SARDH: variants seen among roughly 807,000 people sequenced by gnomAD.
SARDH encodes sarcosine dehydrogenase.
SARDH carries 95 observed loss-of-function variants against 109.1 expected under a neutral mutation model. The ratio of observed to expected loss-of-function variants is 0.87; its 90% CI spans 0.74 to 1.03. The LOEUF is 1.03. SARDH is among the 50% of genes least tolerant of loss of function. The pLI is 0.00. For synonymous variants in SARDH, 572 were observed against 534.8 expected (o/e 1.07, Z -0.96); for missense variants, 1,267 against 1,287.8 (o/e 0.98, Z 0.25).
chr9:133,726,353 G>A (rs1270527316), intron 6 of SARDH, among the ~76,000 whole-genome samples: 1 of 17,212 alleles, frequency 5.8e-5, no homozygotes. Flanking sequence ...GGGAAACAGA[G>A]TGAGACCCTG....
intron 17 of SARDH, among the ~76,000 whole-genome samples, chr9:133,678,850 G>A (rs548833376): frequency 6.6e-6 from 1 of 152,334 alleles, no homozygotes; most frequent in East Asian, 1.9e-4. Flanking sequence ...CTTTTCTCTT[G>A]TGAACCAGTC....
chr9:133,680,465 G>A (rs1174384332), intron 17 of SARDH, among the ~76,000 whole-genome samples: 4 of 152,228 alleles, frequency 2.6e-5, no homozygotes, highest in Non-Finnish European at 4.4e-5. Flanking sequence ...CCCAGGCTGG[G>A]GCCACCTGGG....
At chr9:133,670,183 G>T (rs1294620955) in intron 19 of SARDH, among the ~76,000 whole-genome samples, 1 of 152,150 alleles carries the variant, frequency 6.6e-6, no homozygotes, top group Non-Finnish European at 1.5e-5. Flanking sequence ...ACAAAAATTA[G>T]CTGGGTGTGG....
intron 15 of SARDH, among the ~76,000 whole-genome samples, chr9:133,694,004 C>T (rs992960991): frequency 6.6e-6 from 1 of 152,238 alleles, no homozygotes. Flanking sequence ...GCAGCCACTC[C>T]GAACCGCAAC....
chr9:133,729,861 C>T lies in SARDH; in HGVS notation c.819G>A (p.Val273=). 1.2e-6 allele frequency: 2 copies of T among 1,611,668 alleles called. No individual in the cohort carries two copies. The highest frequency in any genetic ancestry group is 1.7e-6 in the Non-Finnish European group (2 of 1,179,982). ...QTPCVVNCAG[V]WASAVGRMAG... is the part of the protein sequence containing the mutation. The stretch of plus-strand genomic sequence containing the variant: ...CCATCCGGCCCACAGCACTTGCCCA[C>T]ACTCCTGCGGGCAGAGCACAGACAG... Residue 273 remains valine, a synonymous_variant, in exon 6 of 21, where the codon GTG becomes GTA. Coordinates refer to ENST00000439388, the MANE Select transcript of SARDH (RefSeq NM_001134707.2).
rs1005828430 is a variant in SARDH at position 133,692,815 on chromosome 9, G to A, written c.1921+1443C>T. 2.0e-5 allele frequency among the ~76,000 whole-genome samples: 3 copies of A among 152,140 alleles called. No homozygotes were observed. Among genetic ancestry groups the A allele is most frequent in the South Asian group, 2.1e-4 (1 of 4,830 alleles). ...GCTCATGGATCCATGAGGCACGAGCGCTGTGGCTCAGCCCATGGCTCCCTC... is the reference window on the plus strand; with the variant it reads ...GCTCATGGATCCATGAGGCACGAGCACTGTGGCTCAGCCCATGGCTCCCTC... On this transcript the variant is annotated intron_variant, in intron 15 of 20. Transcript: ENST00000439388. This position sits in a 1 kb window ranked among gnomAD's most constrained non-coding sequence, Gnocchi z 5.0.
At chr9:133,663,226 G>A (rs129928), downstream of SARDH, among the ~76,000 whole-genome samples, 37,115 of 152,204 alleles carry the variant, frequency 0.24, 5,256 homozygotes, top group East Asian at 0.39. Flanking sequence ...GGTGAGGAGG[G>A]CACCAATCTG....
rs1017031633 is a variant in SARDH at position 133,703,247 on chromosome 9, G to A, written c.1555-218C>T. 6 of 563,836 alleles carry A rather than the reference G, an allele frequency of 1.1e-5. No individual in the cohort carries two copies. In the African/African-American group the frequency reaches 1.1e-4, roughly 11 times the overall value. The allele number at this position is 563,836 out of a possible 1,614,324, so 34.9% of individuals were successfully genotyped here. On this transcript the variant is annotated intron_variant, in intron 12 of 20. Coordinates refer to ENST00000439388, the MANE Select transcript of SARDH (RefSeq NM_001134707.2). Reference sequence around the variant, plus strand: ...AGGAGGCCGCAGGGTTGCCTGGTGGGTCTGAGAGCCCAGCCAGGGCCCAGG... The same window carrying A: ...AGGAGGCCGCAGGGTTGCCTGGTGGATCTGAGAGCCCAGCCAGGGCCCAGG...
rs769022349 is a variant in SARDH, at chr9:133,734,187, C to T, written c.-14G>A. 2 of 1,550,904 alleles carry T rather than the reference C, an allele frequency of 1.3e-6. No homozygotes were observed. The highest frequency in any genetic ancestry group is 2.4e-5 in the South Asian group (2 of 84,300). ...CAGTGAGGCCATGGGGGCTCCAGGCCTCAGCGAAACAGGGAGCTGGGGAGA... is the reference window on the plus strand; with the variant it reads ...CAGTGAGGCCATGGGGGCTCCAGGCTTCAGCGAAACAGGGAGCTGGGGAGA... On this transcript the variant is annotated 5_prime_UTR_variant, in exon 2 of 21. Transcript: ENST00000439388.
chr9:133,678,447 G>A (rs1451798245), intron 17 of SARDH, among the ~76,000 whole-genome samples: 2 of 152,192 alleles, frequency 1.3e-5, no homozygotes. Flanking sequence ...GATGGGTCAT[G>A]GACAGTAGAG....
chr9:133,661,461 G>A (rs1454552978), downstream of SARDH, among the ~76,000 whole-genome samples: 2 of 151,950 alleles, frequency 1.3e-5, no homozygotes, highest in East Asian at 1.9e-4. Flanking sequence ...GCGCTCTGCC[G>A]GTGACGATGT....
At chr9:133,708,149 T>C in intron 11 of SARDH, 138 bp downstream of exon 11, 1 of 1,000,388 alleles carries the variant, frequency 1.0e-6, no homozygotes, top group Non-Finnish European at 1.4e-6. Flanking sequence ...GCCGGGTTAC[T>C]ACCTGGGGAA....
chr9:133,713,556 G>A (rs908780018), intron 8 of SARDH, among the ~76,000 whole-genome samples: 8 of 152,306 alleles, frequency 5.3e-5, no homozygotes, highest in South Asian at 4.1e-4. Flanking sequence ...ACTTCCCCCC[G>A]CCCAGCACAG....
intron 17 of SARDH, among the ~76,000 whole-genome samples, chr9:133,682,388 C>T (rs940378665): frequency 6.6e-6 from 1 of 152,180 alleles, no homozygotes; most frequent in African/African-American, 2.4e-5. Context: ...AGATGGCGGG[C>T]AACACACTCA....
chr9:133,712,835 T>C lies in SARDH; in HGVS notation c.1238-126A>G. On this transcript the variant is annotated intron_variant, in intron 9 of 20. Transcript: ENST00000439388. This position sits in a 1 kb window ranked among gnomAD's most constrained non-coding sequence, Gnocchi z 4.1. Reference sequence around the variant, plus strand: ...AGCTCTGCTCTCACACCTGGGGTGCTGCACGCCTCCTGATTGGACTGCTGC... The same window carrying C: ...AGCTCTGCTCTCACACCTGGGGTGCCGCACGCCTCCTGATTGGACTGCTGC... 1 of 985,882 alleles carries C rather than the reference T, an allele frequency of 1.0e-6. No individual in the cohort carries two copies. Among genetic ancestry groups the C allele is most frequent in the East Asian group, 2.6e-5 (1 of 38,786 alleles). 61.1% of individuals were successfully genotyped at this position (985,882 alleles called of 1,614,324 possible).
At chr9:133,700,737 G>T in intron 13 of SARDH, among the ~76,000 whole-genome samples, 1 of 130,418 alleles carries the variant, frequency 7.7e-6, no homozygotes, top group South Asian at 2.3e-4. Flanking sequence ...ACACGCACGC[G>T]CACACACACA....
rs1488067849 is a variant in SARDH at position 133,718,937 on chromosome 9, C to A, written c.1020+1G>T. On this transcript the variant is annotated splice_donor_variant, in intron 7 of 20. Transcript: ENST00000439388. LOFTEE classifies it high-confidence loss of function. This position sits in a 1 kb window ranked among gnomAD's most constrained non-coding sequence, Gnocchi z 4.2. ...ATTATCCCAGGGCCCTGGCATCTTACCTCCTCCCAAAAGATGGGGTTGGCC... is the reference window on the plus strand; with the variant it reads ...ATTATCCCAGGGCCCTGGCATCTTAACTCCTCCCAAAAGATGGGGTTGGCC... 8.1e-6 allele frequency: 13 copies of A among 1,611,944 alleles called. No individual in the cohort carries two copies. Among genetic ancestry groups the A allele is most frequent in the Non-Finnish European group, 1.1e-5 (13 of 1,178,088 alleles).
At position 133,704,472 on chromosome 9, in the gene SARDH, C is replaced by T. The variant is rs1831612729; in HGVS notation, c.1554+476G>A. ...CCCCAGAGGACGCCCAGAGTCCAGG[C>T]CACTGTGAAACCTCCACTGGGAAAC... On this transcript the variant is annotated intron_variant, in intron 12 of 20. Coordinates refer to ENST00000439388, the MANE Select transcript of SARDH (RefSeq NM_001134707.2). The surrounding 1 kb of genome is among the most constrained non-coding windows in gnomAD (Gnocchi z 4.5). Among the ~76,000 whole-genome samples, 2 of 152,212 alleles carry T rather than the reference C, an allele frequency of 1.3e-5. No homozygotes were observed. Among genetic ancestry groups the T allele is most frequent in the African/African-American group, 4.8e-5 (2 of 41,456 alleles).
Position 133,712,611 on chromosome 9 carries a change from G to T in SARDH, c.1328+8C>A. The T allele has an allele frequency of 6.2e-7, 1 of 1,605,612 alleles. No homozygotes were observed. Reference sequence around the variant, plus strand: ...GGGCCCTGCCCTTAGGTCCCAATGGGCACTTACCTGATGTCATAGCCATGC... The same window carrying T: ...GGGCCCTGCCCTTAGGTCCCAATGGTCACTTACCTGATGTCATAGCCATGC... On this transcript the variant is annotated splice_region_variant and intron_variant, in intron 10 of 20. Transcript: ENST00000439388. The surrounding 1 kb of genome is among the most constrained non-coding windows in gnomAD (Gnocchi z 4.1).
Sources: gnomAD v4.1 joint callset for allele counts (sites outside exome capture counted in the v4.1 genomes callset) on GRCh38, gnomAD v4.1.1 for gene constraint, Gnocchi (gnomAD v3.1) non-coding constraint, MANE v1.5 for transcripts, NCBI Gene and HGNC (gene_info 2026-07-23, HGNC 2026-07-21) for gene names.